The following CACNA1S variants were observed in gnomAD, a reference collection of about 807,000 sequenced individuals.
The protein encoded by CACNA1S is calcium voltage-gated channel subunit alpha1 S.
CACNA1S carries 126 observed loss-of-function variants against 207.4 expected under a neutral mutation model. The ratio of observed to expected loss-of-function variants is 0.61; its 90% confidence interval spans 0.53 to 0.70. CACNA1S has a LOEUF of 0.70. Ranked by LOEUF, CACNA1S falls within the 30% of genes least tolerant of loss-of-function variation. The pLI is 0.00. For synonymous variants in CACNA1S, 960 were observed against 932.7 expected (o/e 1.03, Z -0.53); for missense variants, 2,349 against 2,422.8 (o/e 0.97, Z 0.64).
chr1:201,075,537 G>C lies in CACNA1S; in HGVS notation c.1906C>G (p.Leu636Val), dbSNP rs1284584302. ...AGGATGATGAAGTAAATGCACACAA[G>C]CATGCCAGGGTAGGACGGCCCGCCG... Reference protein sequence around the residue: ...AYGGPSYPGMLVCIYFIILFV... With the variant: ...AYGGPSYPGMVVCIYFIILFV... Residue 636 changes from leucine to valine, a missense_variant, in exon 13 of 44, where the codon CTT (leucine) becomes GTT (valine). Leu to Val is a conservative substitution (Grantham distance 32). Coordinates refer to ENST00000362061, the MANE Select transcript of CACNA1S (RefSeq NM_000069.3). 1 of 1,611,686 alleles carries C rather than the reference G, an allele frequency of 6.2e-7. No individual in the cohort carries two copies. The highest frequency in any genetic ancestry group is 8.5e-7 in the Non-Finnish European group (1 of 1,179,222).
intron 42 of CACNA1S, 69 bp from the exon 43 acceptor site, chr1:201,040,443 G>A (rs1304721512): frequency 3.2e-6 from 5 of 1,585,794 alleles, no homozygotes; most frequent in African/African-American, 1.3e-5. Context: ...CAAAATTCCA[G>A]ATCATCTGAG....
In CACNA1S at chr1:201,087,856, A is replaced by T. The variant is rs1465884655; in HGVS notation, c.974T>A (p.Ile325Asn). ...VTLILLGSFF[I>N]LNLVLGVLSG... ...CAGGACACCCAGCACCAGGTTGAGGATGAAGAAGGATCCCAGCAAAATGAG... is the reference window on the plus strand; with the variant it reads ...CAGGACACCCAGCACCAGGTTGAGGTTGAAGAAGGATCCCAGCAAAATGAG... Residue 325 changes from isoleucine (I) to asparagine (N), a missense_variant, in exon 7 of 44, where the codon ATC becomes AAC. Ile to Asn is a moderately radical substitution (Grantham distance 149). Coordinates refer to ENST00000362061, the MANE Select transcript of CACNA1S (RefSeq NM_000069.3). 1 of 1,613,678 alleles carries T rather than the reference A, an allele frequency of 6.2e-7. No homozygotes were observed. Among genetic ancestry groups the T allele is most frequent in the South Asian group, 1.1e-5 (1 of 91,034 alleles).
chr1:201,050,607 A>G (rs1660616293), intron 33 of CACNA1S, 91 bp from the exon 34 acceptor site: 4 of 1,465,620 alleles, frequency 2.7e-6, no homozygotes, highest in Non-Finnish European at 1.9e-6. Context: ...CTGGCCCACA[A>G]CTTCTCGCTT....
chr1:201,054,852 G>T (rs10800755), intron 28 of CACNA1S, among the ~76,000 whole-genome samples: 2 of 152,120 alleles, frequency 1.3e-5, no homozygotes, highest in Admixed American at 6.5e-5. Context: ...ATGCAGCTAC[G>T]GGTGGCAAGG....
rs1157638858 is a variant in CACNA1S, at chr1:201,068,538, C to T, written c.2550+599G>A. Among the ~76,000 whole-genome samples the T allele has an allele frequency of 3.3e-5, 5 of 150,954 alleles. No individual in the cohort carries two copies. In the South Asian group the frequency reaches 6.3e-4, roughly 19 times the overall value. The stretch of plus-strand genomic sequence containing the variant: ...GATTACAGGCGTGAGCCACTGCGCC[C>T]GGCCACCAGGTCTGCTCTTAAGCTA... On this transcript the variant is annotated intron_variant, in intron 19 of 43. Coordinates refer to ENST00000362061, the MANE Select transcript of CACNA1S (RefSeq NM_000069.3).
intron 12 of CACNA1S, 63 bp from the exon 13 acceptor site, chr1:201,075,678 C>A (rs1661587577): frequency 6.4e-7 from 1 of 1,558,162 alleles, no homozygotes; most frequent in Admixed American, 1.7e-5. Context: ...TCTATTGGGA[C>A]CGCATTGACC....
chr1:201,060,042 T>A (rs1446461475), intron 26 of CACNA1S, among the ~76,000 whole-genome samples: 1 of 152,182 alleles, frequency 6.6e-6, no homozygotes, highest in Non-Finnish European at 1.5e-5. Context: ...GTGCTGATGA[T>A]CCTCTGCGAC....
chr1:201,107,380 A>G (rs1397648118), intron 2 of CACNA1S, among the ~76,000 whole-genome samples: 1 of 152,216 alleles, frequency 6.6e-6, no homozygotes, highest in Non-Finnish European at 1.5e-5. Context: ...ATATGCTACC[A>G]TAATATCCCC....
intron 2 of CACNA1S, among the ~76,000 whole-genome samples, chr1:201,108,546 C>T (rs918308448): frequency 2.0e-5 from 3 of 152,150 alleles, no homozygotes; most frequent in African/African-American, 7.2e-5. Flanking sequence ...GACATGGAGA[C>T]TAACCCTATG....
chr1:201,061,155 G>T, intron 25 of CACNA1S, 112 bp downstream of exon 25: 1 of 907,634 alleles, frequency 1.1e-6, no homozygotes, highest in Non-Finnish European at 1.8e-6. Context: ...GGCATCAAAT[G>T]CAGGTTCTGG....
In CACNA1S at chr1:201,069,491, G is replaced by C. The variant is rs1661373529; in HGVS notation, c.2471C>G (p.Ala824Gly). 6.2e-7 allele frequency: 1 copy of C among 1,602,796 alleles called. No individual in the cohort carries two copies. Among genetic ancestry groups the C allele is most frequent in the African/African-American group, 1.3e-5 (1 of 74,888 alleles). ...AALAAEDPIR[A>G]DSMRNQILKH... ...CGTCACCTGATTTCTCATGGAATCAGCCCGGATGGGGTCTTCCGCAGCCAG... is the reference window on the plus strand; with the variant it reads ...CGTCACCTGATTTCTCATGGAATCACCCCGGATGGGGTCTTCCGCAGCCAG... Residue 824 changes from alanine to glycine, a missense_variant, in exon 18 of 44, where the codon GCT (alanine) becomes GGT (glycine). Coordinates refer to ENST00000362061, the MANE Select transcript of CACNA1S (RefSeq NM_000069.3).
Position 201,056,050 on chromosome 1 carries a change from C to CACAG in CACNA1S, c.3610-1493_3610-1490dup, listed in dbSNP as rs1385008249. On this transcript the variant is annotated intron_variant, in intron 28 of 43. Transcript: ENST00000362061. Reference sequence around the variant, plus strand: ...TGGATGGAAATACACAACACACACACACAGACAGACAGACAGACAGACACA... The same window carrying CACAG: ...TGGATGGAAATACACAACACACACACACAGACAGACAGACAGACAGACAGACACA... Among the ~76,000 whole-genome samples the CACAG allele has an allele frequency of 4.5e-3, 634 of 140,652 alleles. 7 individuals are homozygous for CACAG. The highest frequency in any genetic ancestry group is 0.016 in the African/African-American group (576 of 36,898). The allele number at this position is 140,652 out of a possible 152,430, so 92.3% of individuals were successfully genotyped here.
In CACNA1S at chr1:201,105,444, A is replaced by C. The variant is rs374819733; in HGVS notation, c.258+4720T>G. On this transcript the variant is annotated intron_variant, in intron 2 of 43. Transcript: ENST00000362061. ...GAAACTGAGGGAACAGAAAGGTTAC[A>C]TAACTTGTCTAAGATCACACAGCTA... 5.0e-4 allele frequency among the ~76,000 whole-genome samples: 76 copies of C among 152,332 alleles called. No homozygotes were observed. The South Asian group carries it at 0.015, about 31-fold the overall frequency.
Position 201,062,179 on chromosome 1 carries a change from A to C in CACNA1S, c.2907-89T>G, listed in dbSNP as rs2297903. 0.51 allele frequency: 775,496 copies of C among 1,510,032 alleles called. 203,695 individuals are homozygous for C. Among genetic ancestry groups the C allele is most frequent in the East Asian group, 0.74 (31,298 of 42,094 alleles). The allele number at this position is 1,510,032 out of a possible 1,614,324, so 93.5% of individuals were successfully genotyped here. On this transcript the variant is annotated intron_variant, in intron 23 of 43. Transcript: ENST00000362061. ...CTCTGGGCCCTGGGTGGGGAGTGTG[A>C]AGGAGAAATGAAGTTCCAGATCTGG...
intron 9 of CACNA1S, 137 bp from the exon 10 acceptor site, chr1:201,083,459 G>C: frequency 1.2e-6 from 1 of 843,720 alleles, no homozygotes; most frequent in Non-Finnish European, 2.0e-6. Context: ...GAAGCTCAGG[G>C]CATGAGCTAG....
At chr1:201,099,821 C>T (rs1447930637) in intron 2 of CACNA1S, among the ~76,000 whole-genome samples, 1 of 152,200 alleles carries the variant, frequency 6.6e-6, no homozygotes, top group Non-Finnish European at 1.5e-5. Context: ...GGACTGGGCC[C>T]CCTTGCCTCA....
chr1:201,097,883 G>C (rs17454870), intron 2 of CACNA1S, among the ~76,000 whole-genome samples: 1 of 152,008 alleles, frequency 6.6e-6, no homozygotes. Flanking sequence ...AATATTTTGG[G>C]CTCAGGGCTT....
chr1:201,106,069 C>T (rs1662870096), intron 2 of CACNA1S, among the ~76,000 whole-genome samples: 1 of 152,170 alleles, frequency 6.6e-6, no homozygotes, highest in East Asian at 1.9e-4. Flanking sequence ...CACCTTCCTC[C>T]TCCCTACCCC....
In CACNA1S at chr1:201,055,946, T is replaced by A. The variant is rs577572222; in HGVS notation, c.3610-1385A>T. On this transcript the variant is annotated intron_variant, in intron 28 of 43. Coordinates refer to ENST00000362061, the MANE Select transcript of CACNA1S (RefSeq NM_000069.3). ...TATTTTGGCTGTTTAGATTTCTCTG[T>A]TCTGGCTGTGCTGGTGAGAAGTGCT... Among the ~76,000 whole-genome samples the A allele has an allele frequency of 2.0e-5, 3 of 152,326 alleles. No homozygotes were observed. In the South Asian group the frequency reaches 6.2e-4, roughly 32 times the overall value.
Sources: gnomAD v4.1 joint callset for allele counts (sites outside exome capture counted in the v4.1 genomes callset) on GRCh38, gnomAD v4.1.1 for gene constraint, MANE v1.5 for transcripts, NCBI Gene and HGNC (gene_info 2026-07-23, HGNC 2026-07-21) for gene names.